ABCC5: variants seen among roughly 807,000 people sequenced by gnomAD.
ABCC5 encodes ATP binding cassette subfamily C member 5, also known as ATP-binding cassette sub-family C member 5.
ABCC5 carries 61 observed loss-of-function variants against 160.9 expected under a neutral mutation model. The observed-to-expected ratio is 0.38, with a 90% CI of 0.31 to 0.47. ABCC5 has a LOEUF of 0.47. Among genes scored for constraint, ABCC5 ranks in the 20% least tolerant of loss-of-function variants. The pLI is 0.99. For missense variants in ABCC5, 1,308 were observed against 1,813.3 expected (o/e 0.72, Z 5.06); for synonymous variants, 666 against 700.6 (o/e 0.95, Z 0.78).
intron 15 of ABCC5, among the ~76,000 whole-genome samples, chr3:183,962,636 A>G (rs770889944): frequency 6.0e-5 from 9 of 149,768 alleles, no homozygotes; most frequent in Non-Finnish European, 1.3e-4. Context: ...GGTTCAAGGG[A>G]TTCTCCTGCC....
intron 11 of ABCC5, among the ~76,000 whole-genome samples, chr3:183,971,059 T>C (rs1277335371): frequency 2.6e-5 from 4 of 152,214 alleles, no homozygotes; most frequent in African/African-American, 4.8e-5. Flanking sequence ...CCATTCCCTA[T>C]AGGAGGCCCT....
At chr3:183,959,194 T>C (rs772351664) in intron 17 of ABCC5, among the ~76,000 whole-genome samples, 106 of 152,054 alleles carry the variant, frequency 7.0e-4, no homozygotes, top group Non-Finnish European at 1.2e-3. Context: ...GTTGATAACA[T>C]AAAGGGTTTA....
intron 1 of ABCC5, among the ~76,000 whole-genome samples, chr3:184,014,754 T>C (rs989501016): frequency 6.6e-6 from 1 of 151,832 alleles, no homozygotes; most frequent in African/African-American, 2.4e-5. Context: ...TCAAATCCAG[T>C]GTATACAATA....
Position 183,981,828 on chromosome 3 carries a change from G to A in ABCC5, c.1046C>T (p.Ala349Val), listed in dbSNP as rs775974375. ...CTTCTGGACACGTTCATCCGTGGCG[G>A]CCACGCATTTTCTCCTGAAATATGC... ...LTAYFRRKCVAATDERVQKMN... is the reference protein window; with the variant it reads ...LTAYFRRKCVVATDERVQKMN... The change falls in exon 8 of 30, where the codon GCC (alanine) becomes GTC (valine). Residue 349 changes from alanine to valine, a missense_variant. Coordinates refer to ENST00000334444, the MANE Select transcript of ABCC5 (RefSeq NM_005688.4). 6.2e-7 allele frequency: 1 copy of A among 1,610,668 alleles called. No individual in the cohort carries two copies. Among genetic ancestry groups the A allele is most frequent in the Non-Finnish European group, 8.5e-7 (1 of 1,179,070 alleles).
intron 10 of ABCC5, among the ~76,000 whole-genome samples, chr3:183,974,886 T>A (rs2108841491): frequency 6.6e-6 from 1 of 152,222 alleles, no homozygotes; most frequent in East Asian, 1.9e-4. Context: ...GCAGGGTAGG[T>A]GAAATAGAGA....
At chr3:183,927,879 G>C in intron 27 of ABCC5, 1 of 932,092 alleles carries the variant, frequency 1.1e-6, no homozygotes. Flanking sequence ...AATCCCGATA[G>C]AGCAGAGGAA....
At chr3:183,999,256 A>T (rs1010844849) in intron 2 of ABCC5, among the ~76,000 whole-genome samples, 3 of 152,038 alleles carry the variant, frequency 2.0e-5, no homozygotes, top group Middle Eastern at 3.4e-3. Context: ...CAAGCATGCC[A>T]GGAAAAAAAA....
Position 183,927,381 on chromosome 3 carries a change from C to G in ABCC5, c.3996G>C (p.Val1332=). ...CTATGCACAAGAGCTGCCGTTCCCC[C>G]ACTGAGAAGTTATCCCCATTCTCCA... ...EVMENGDNFS[V]GERQLLCIAR... The change falls in exon 28 of 30, where the codon GTG becomes GTC. Residue 1332 remains valine (V), a synonymous_variant. Transcript: ENST00000334444. 1 of 1,613,836 alleles carries G rather than the reference C, an allele frequency of 6.2e-7. No individual in the cohort carries two copies. The highest frequency in any genetic ancestry group is 1.1e-5 in the South Asian group (1 of 90,960).
rs988839520 is a variant in ABCC5 at position 183,951,881 on chromosome 3, G to A, written c.2790C>T (p.Ala930=). The change falls in exon 19 of 30, where the codon GCC becomes GCT. Residue 930 remains alanine (A), a synonymous_variant. Coordinates refer to ENST00000334444, the MANE Select transcript of ABCC5 (RefSeq NM_005688.4). The surrounding 1 kb of genome is among the most constrained non-coding windows in gnomAD (Gnocchi z 4.7). The stretch of plus-strand genomic sequence containing the variant: ...CCTTGACAAAGACAACTCCTCGAAT[G>A]GCTTTCAGGATCAGCATGACTGCCA... ...LSMAVMLILK[A]IRGVVFVKGT... is the part of the protein sequence containing the mutation. 1.7e-5 allele frequency: 28 copies of A among 1,613,664 alleles called. No homozygotes were observed. Among genetic ancestry groups the A allele is most frequent in the Non-Finnish European group, 2.3e-5 (27 of 1,179,796 alleles).
chr3:183,995,922 C>T (rs999222400), intron 2 of ABCC5, among the ~76,000 whole-genome samples: 1 of 152,066 alleles, frequency 6.6e-6, no homozygotes, highest in African/African-American at 2.4e-5. Context: ...ATTCTCCTGC[C>T]TCAGCCTCCC....
At chr3:183,991,808 A>G (rs938305355) in intron 2 of ABCC5, among the ~76,000 whole-genome samples, 2 of 152,226 alleles carry the variant, frequency 1.3e-5, no homozygotes, top group East Asian at 3.8e-4. Flanking sequence ...ATTTAAGTAC[A>G]TTACAAAGGT....
intron 5 of ABCC5, chr3:183,985,266 C>T: frequency 6.5e-7 from 1 of 1,528,826 alleles, no homozygotes; most frequent in Non-Finnish European, 9.1e-7. Context: ...AGCTGTCTGG[C>T]TGTGGAAAGC....
chr3:183,922,384 A>G (rs1712090762), intron 29 of ABCC5, among the ~76,000 whole-genome samples: 2 of 152,210 alleles, frequency 1.3e-5, no homozygotes, highest in South Asian at 4.1e-4. Context: ...AAAAAAATAA[A>G]TAAATAAATA....
intron 23 of ABCC5, among the ~76,000 whole-genome samples, chr3:183,946,665 A>C (rs1577492924): frequency 6.6e-6 from 1 of 150,534 alleles, no homozygotes; most frequent in Non-Finnish European, 1.5e-5. Flanking sequence ...TCCTACCCCC[A>C]CCCCCCATAT....
intron 17 of ABCC5, among the ~76,000 whole-genome samples, chr3:183,959,215 T>A (rs1160038540): frequency 6.6e-6 from 1 of 152,138 alleles, no homozygotes; most frequent in Non-Finnish European, 1.5e-5. Flanking sequence ...AGAAACAGGA[T>A]CAAGGGCTCT....
chr3:183,946,459 C>T (rs763014585), intron 23 of ABCC5, among the ~76,000 whole-genome samples: 6 of 152,138 alleles, frequency 3.9e-5, no homozygotes, highest in Non-Finnish European at 7.4e-5. Flanking sequence ...CAAAATGTGG[C>T]TGGACATCTC....
At chr3:184,002,912 G>C (rs927925897) in intron 2 of ABCC5, among the ~76,000 whole-genome samples, 2 of 152,172 alleles carry the variant, frequency 1.3e-5, no homozygotes, top group African/African-American at 4.8e-5. Context: ...TTTCCAAGGG[G>C]GTTAAAGGCT....
chr3:183,942,958 C>T, intron 24 of ABCC5, 42 bp from the exon 25 acceptor site: 1 of 1,551,326 alleles, frequency 6.4e-7, no homozygotes, highest in South Asian at 1.2e-5. Context: ...ACCACAGATT[C>T]TTGGGGAGCT....
intron 23 of ABCC5, 119 bp downstream of exon 23, chr3:183,947,205 T>C: frequency 9.0e-7 from 1 of 1,116,042 alleles, no homozygotes; most frequent in Non-Finnish European, 1.2e-6. Context: ...TGAGCAATTC[T>C]AGGGGTCCAG....
Sources: gnomAD v4.1 joint callset for allele counts (sites outside exome capture counted in the v4.1 genomes callset) on GRCh38, gnomAD v4.1.1 for gene constraint, Gnocchi (gnomAD v3.1) non-coding constraint, MANE v1.5 for transcripts, NCBI Gene and HGNC (gene_info 2026-07-23, HGNC 2026-07-21) for gene names.